The following CDKAL1 variants were observed in gnomAD, a reference collection of about 807,000 sequenced individuals.
CDKAL1 encodes the protein threonylcarbamoyladenosine tRNA methylthiotransferase.
Under a neutral mutation model 68.2 loss-of-function variants are expected in CDKAL1, and 32 were observed. The observed-to-expected ratio is 0.47, with a 90% CI of 0.35 to 0.63. The LOEUF (loss-of-function observed/expected upper bound fraction) is 0.63. CDKAL1 is among the 30% of genes least tolerant of loss of function. The pLI, the probability that CDKAL1 is intolerant of heterozygous loss-of-function variation, is 0.00. For missense variants in CDKAL1, 606 were observed against 696.7 expected (o/e 0.87, Z 1.47); for synonymous variants, 234 against 244.3 (o/e 0.96, Z 0.39).
At chr6:20,596,153 A>G (rs1346344521) in intron 4 of CDKAL1, among the ~76,000 whole-genome samples, 1 of 152,168 alleles carries the variant, frequency 6.6e-6, no homozygotes, top group East Asian at 1.9e-4. Context: ...GACCCACTTG[A>G]GGAGGCAGTC....
chr6:21,230,988 C>G lies in CDKAL1; in HGVS notation c.1689C>G (p.Gly563=). The G allele has an allele frequency of 6.2e-7, 1 of 1,612,824 alleles. No individual in the cohort carries two copies. Among genetic ancestry groups the G allele is most frequent in the Non-Finnish European group, 8.5e-7 (1 of 1,179,064 alleles). The change falls in exon 16 of 16, where the codon GGC becomes GGG. Residue 563 remains glycine (G), a synonymous_variant. Coordinates refer to ENST00000274695, the MANE Select transcript of CDKAL1 (RefSeq NM_017774.3). ...ACTGTGCGCTGAGGATGTCCGTGGG[C>G]TTGGCTCTGCTGGGTCTTCTTTTTG... The part of the protein sequence containing the change: ...HQDCALRMSV[G]LALLGLLFAF...
At chr6:20,588,830 G>A (rs1765479044) in intron 4 of CDKAL1, among the ~76,000 whole-genome samples, 1 of 152,102 alleles carries the variant, frequency 6.6e-6, no homozygotes, top group African/African-American at 2.4e-5. Context: ...TCCTAAAAAT[G>A]TGTTATTTTC....
intron 9 of CDKAL1, among the ~76,000 whole-genome samples, chr6:20,908,185 G>T (rs1282212699): frequency 6.6e-6 from 1 of 152,044 alleles, no homozygotes; most frequent in Non-Finnish European, 1.5e-5. Flanking sequence ...TCTGAAAGTT[G>T]ATTTTTTTTT....
rs150921240 is a variant in CDKAL1 at position 20,626,932 on chromosome 6, A to G, written c.287-22361A>G. ...CACATGGCCACCTCTATCTGGAAGG[A>G]AGGCTGTGAAAGGGAGTTGGCTTTT... On this transcript the variant is annotated intron_variant, in intron 4 of 15. Transcript: ENST00000274695. 4.2e-3 allele frequency among the ~76,000 whole-genome samples: 638 copies of G among 152,320 alleles called. 1 individual carries two copies. Among genetic ancestry groups the G allele is most frequent in the Non-Finnish European group, 6.5e-3 (441 of 68,024 alleles).
chr6:20,579,143 A>G (rs1765035861), intron 4 of CDKAL1, among the ~76,000 whole-genome samples: 1 of 151,948 alleles, frequency 6.6e-6, no homozygotes, highest in Admixed American at 6.6e-5. Context: ...ATGCTTGGCT[A>G]ATTTTTGTAT....
At chr6:21,117,244 T>C (rs1373692816) in intron 13 of CDKAL1, among the ~76,000 whole-genome samples, 1 of 151,330 alleles carries the variant, frequency 6.6e-6, no homozygotes. Flanking sequence ...AGTTAGCAAA[T>C]AAAAATAAGG....
intron 11 of CDKAL1, among the ~76,000 whole-genome samples, chr6:21,044,968 A>G (rs921493474): frequency 6.6e-6 from 1 of 152,212 alleles, no homozygotes; most frequent in Non-Finnish European, 1.5e-5. Context: ...GGCTTCTTCA[A>G]ATGGCAGAAG....
intron 11 of CDKAL1, among the ~76,000 whole-genome samples, chr6:21,064,680 C>A (rs1329336301): frequency 6.6e-6 from 1 of 152,118 alleles, no homozygotes; most frequent in East Asian, 1.9e-4. Flanking sequence ...TCATTGATTT[C>A]TTTGGGAGGG....
At chr6:20,609,880 T>A (rs1475182301) in intron 4 of CDKAL1, among the ~76,000 whole-genome samples, 1 of 152,088 alleles carries the variant, frequency 6.6e-6, no homozygotes, top group Non-Finnish European at 1.5e-5. Flanking sequence ...TCATCACAGG[T>A]ATTAAGCCCA....
chr6:20,642,767 C>T (rs947985727), intron 4 of CDKAL1, among the ~76,000 whole-genome samples: 5 of 152,032 alleles, frequency 3.3e-5, no homozygotes, highest in Admixed American at 6.6e-5. Context: ...TTTTTGGACT[C>T]GATTCCAAAA....
At chr6:20,685,036 A>G (rs1385675048) in intron 5 of CDKAL1, among the ~76,000 whole-genome samples, 2 of 152,012 alleles carry the variant, frequency 1.3e-5, no homozygotes, top group African/African-American at 4.8e-5. Flanking sequence ...TCTTGTGTTC[A>G]TGGAGTGTGC....
chr6:20,900,571 T>A (rs2150597056), intron 9 of CDKAL1, among the ~76,000 whole-genome samples: 1 of 152,342 alleles, frequency 6.6e-6, no homozygotes, highest in Non-Finnish European at 1.5e-5. Context: ...ATGATGAGGC[T>A]GAGTGTCATT....
At chr6:20,893,715 G>A (rs1338132598) in intron 9 of CDKAL1, among the ~76,000 whole-genome samples, 1 of 152,102 alleles carries the variant, frequency 6.6e-6, no homozygotes, top group Non-Finnish European at 1.5e-5. Flanking sequence ...ATCCTCAATT[G>A]CCTATTCTGC....
chr6:20,724,845 C>G (rs1228118233), intron 5 of CDKAL1, among the ~76,000 whole-genome samples: 1 of 152,178 alleles, frequency 6.6e-6, no homozygotes, highest in African/African-American at 2.4e-5. Flanking sequence ...CTTTTTAACA[C>G]TAAGCTAGAA....
intron 5 of CDKAL1, among the ~76,000 whole-genome samples, chr6:20,716,847 T>C (rs1772120367): frequency 6.6e-6 from 1 of 151,872 alleles, no homozygotes; most frequent in African/African-American, 2.4e-5. Context: ...TCCATGGGAC[T>C]GCAGAAGATC....
At chr6:21,201,331 A>G in intron 15 of CDKAL1, 57 bp downstream of exon 15, 1 of 1,455,704 alleles carries the variant, frequency 6.9e-7, no homozygotes, top group Non-Finnish European at 9.5e-7. Flanking sequence ...CTGTGGAAGC[A>G]CAGTGATTCC....
At chr6:21,126,801 A>C (rs1215171784) in intron 13 of CDKAL1, among the ~76,000 whole-genome samples, 2 of 152,232 alleles carry the variant, frequency 1.3e-5, no homozygotes, top group South Asian at 4.1e-4. Context: ...GGTTTAAACA[A>C]AGAGATCATT....
chr6:20,943,910 G>A (rs1764110451), intron 9 of CDKAL1, among the ~76,000 whole-genome samples: 1 of 152,048 alleles, frequency 6.6e-6, no homozygotes, highest in Non-Finnish European at 1.5e-5. Context: ...AAAATAGTGA[G>A]GTTCTGTCTC....
At chr6:21,230,532 C>T (rs1779924099) in intron 15 of CDKAL1, among the ~76,000 whole-genome samples, 1 of 152,110 alleles carries the variant, frequency 6.6e-6, no homozygotes, top group South Asian at 2.1e-4. Context: ...TTAAATATGT[C>T]TGTGGTATGA....
Sources: allele counts gnomAD v4.1 joint callset (sites outside exome capture counted in the v4.1 genomes callset), GRCh38; gene constraint gnomAD v4.1.1; transcripts MANE v1.5; gene names NCBI Gene and HGNC (gene_info 2026-07-23, HGNC 2026-07-21).